Variants in CFAP54 observed in about 807,000 individuals in gnomAD.
CFAP54 encodes cilia and flagella associated protein 54, also known as cilia- and flagella-associated protein 54.
A neutral mutation model predicts 370.4 loss-of-function variants in CFAP54; 290 were observed. The ratio of observed to expected loss-of-function variants is 0.78; its 90% CI spans 0.71 to 0.86. CFAP54 has a LOEUF of 0.86. CFAP54 is among the 40% of genes least tolerant of loss of function. The pLI is 0.00. For missense variants in CFAP54, 3,399 were observed against 3,528.7 expected (o/e 0.96, Z 0.93); for synonymous variants, 1,206 against 1,236.5 (o/e 0.98, Z 0.52).
intron 32 of CFAP54, 30 bp downstream of exon 32, chr12:96,630,681 G>T (rs1180191449): frequency 7.4e-7 from 1 of 1,343,078 alleles, no homozygotes; most frequent in Non-Finnish European, 9.9e-7. Flanking sequence ...TTCAATAAAA[G>T]TTTACTTGAG....
At chr12:96,558,882 C>T (rs1176178598) in intron 17 of CFAP54, among the ~76,000 whole-genome samples, 1 of 152,120 alleles carries the variant, frequency 6.6e-6, no homozygotes, top group Non-Finnish European at 1.5e-5. Flanking sequence ...CAAATAGGAT[C>T]ATATCAAGTT....
chr12:96,779,435 GT>G (rs1958559449), intron 60 of CFAP54, among the ~76,000 whole-genome samples: 1 of 151,942 alleles, frequency 6.6e-6, no homozygotes, highest in Non-Finnish European at 1.5e-5. Context: ...AACATTTGGG[GT>G]TATGAATAAT....
At chr12:96,566,337 A>G (rs922498513) in intron 19 of CFAP54, among the ~76,000 whole-genome samples, 1 of 152,178 alleles carries the variant, frequency 6.6e-6, no homozygotes, top group Non-Finnish European at 1.5e-5. Context: ...CTCCAAGTAA[A>G]GGGACTGGCC....
At chr12:96,559,287 A>G (rs1168781967) in intron 17 of CFAP54, among the ~76,000 whole-genome samples, 1 of 152,164 alleles carries the variant, frequency 6.6e-6, no homozygotes, top group Non-Finnish European at 1.5e-5. Context: ...TACAAAGGAT[A>G]AATGCTTGAG....
intron 28 of CFAP54, among the ~76,000 whole-genome samples, chr12:96,625,430 A>G (rs1360660930): frequency 6.6e-6 from 1 of 152,230 alleles, no homozygotes; most frequent in African/African-American, 2.4e-5. Flanking sequence ...GTTTGCTGAT[A>G]TATGACAGCT....
intron 50 of CFAP54, among the ~76,000 whole-genome samples, chr12:96,736,335 G>C (rs1957980146): frequency 6.6e-6 from 1 of 152,172 alleles, no homozygotes; most frequent in Non-Finnish European, 1.5e-5. Context: ...TTACCAGAGA[G>C]AGAGAGAGCA....
intron 32 of CFAP54, among the ~76,000 whole-genome samples, 191 bp downstream of exon 32, chr12:96,630,842 G>T (rs1956600290): frequency 1.3e-5 from 2 of 151,974 alleles, no homozygotes; most frequent in Admixed American, 1.3e-4. Flanking sequence ...TAAAAATGGT[G>T]ATAAATGTTA....
At chr12:96,605,709 T>C (rs556633662) in intron 26 of CFAP54, among the ~76,000 whole-genome samples, 80 of 152,248 alleles carry the variant, frequency 5.3e-4, no homozygotes, top group African/African-American at 1.8e-3. Flanking sequence ...TCCATAGTAA[T>C]TGTAGGAGGA....
intron 15 of CFAP54, among the ~76,000 whole-genome samples, chr12:96,552,746 T>G (rs1301448029): frequency 2.0e-5 from 3 of 152,210 alleles, no homozygotes; most frequent in African/African-American, 2.4e-5. Context: ...ATAAATGAAC[T>G]GGAGTAGGCT....
chr12:96,827,753 TAGTAAC>T, intron 65 of CFAP54, among the ~76,000 whole-genome samples: 1 of 46,512 alleles, frequency 2.1e-5, no homozygotes, highest in African/African-American at 7.5e-5. Context: ...ATATAATACA[TAGTAAC>T]ATATTATATT....
intron 20 of CFAP54, among the ~76,000 whole-genome samples, chr12:96,579,781 C>T (rs540132236): frequency 6.6e-6 from 1 of 152,040 alleles, no homozygotes; most frequent in African/African-American, 2.4e-5. Flanking sequence ...CTTGACACCT[C>T]GGCGAAAGGA....
chr12:96,750,837 A>G (rs1260742927), intron 55 of CFAP54, among the ~76,000 whole-genome samples: 1 of 152,228 alleles, frequency 6.6e-6, no homozygotes, highest in African/African-American at 2.4e-5. Context: ...TAAAAAACAA[A>G]ACCCAAAGCA....
chr12:96,838,466 A>G (rs1380896918), intron 66 of CFAP54, among the ~76,000 whole-genome samples: 2 of 152,166 alleles, frequency 1.3e-5, no homozygotes, highest in Non-Finnish European at 2.9e-5. Context: ...ATTGACTCAC[A>G]GTTCCACATG....
chr12:96,664,724 T>G (rs1223477653), intron 39 of CFAP54, among the ~76,000 whole-genome samples: 4 of 8,158 alleles, frequency 4.9e-4, no homozygotes, highest in African/African-American at 1.4e-3. Flanking sequence ...TCTATATATA[T>G]CTATATATAT....
At chr12:96,746,231 A>G (rs1261277676) in intron 55 of CFAP54, among the ~76,000 whole-genome samples, 1 of 152,088 alleles carries the variant, frequency 6.6e-6, no homozygotes, top group Non-Finnish European at 1.5e-5. Flanking sequence ...TCAAATATCC[A>G]CCAGTAAAAA....
intron 32 of CFAP54, among the ~76,000 whole-genome samples, chr12:96,631,694 T>G (rs2136476827): frequency 6.7e-6 from 1 of 149,304 alleles, no homozygotes; most frequent in East Asian, 1.9e-4. Context: ...TTAACATGCA[T>G]AAACAATATA....
intron 60 of CFAP54, among the ~76,000 whole-genome samples, chr12:96,778,135 T>C (rs1360565306): frequency 6.6e-6 from 1 of 152,230 alleles, no homozygotes. Flanking sequence ...CAGCTACATT[T>C]AAAATCTAAC....
At chr12:96,760,672 A>G (rs116013393) in intron 58 of CFAP54, among the ~76,000 whole-genome samples, 1 of 152,242 alleles carries the variant, frequency 6.6e-6, no homozygotes, top group African/African-American at 2.4e-5. Flanking sequence ...AGCTCGGACT[A>G]CAGGCATGTA....
At chr12:96,616,486 A>G (rs143489992) in intron 26 of CFAP54, among the ~76,000 whole-genome samples, 2,248 of 152,334 alleles carry the variant, frequency 0.015, 59 homozygotes, top group African/African-American at 0.051. Context: ...TGTTGTACAC[A>G]TGTACCCTAG....
Sources: allele counts gnomAD v4.1 joint callset (sites outside exome capture counted in the v4.1 genomes callset), GRCh38; gene constraint gnomAD v4.1.1; transcripts MANE v1.5; gene names NCBI Gene and HGNC (gene_info 2026-07-23, HGNC 2026-07-21).